The following ANKH variants were observed in gnomAD, a reference collection of about 807,000 sequenced individuals.
The protein encoded by ANKH is mineralization regulator ANKH.
A neutral mutation model predicts 49.0 loss-of-function variants in ANKH; 15 were observed. The ratio of observed to expected loss-of-function variants is 0.31; its 90% CI spans 0.20 to 0.47. The LOEUF (loss-of-function observed/expected upper bound fraction) is 0.47, where lower values mean the gene tolerates loss of function less well. Ranked by LOEUF, ANKH falls within the 20% of genes least tolerant of loss-of-function variation. The pLI is 1.00. For synonymous variants in ANKH, 273 were observed against 260.0 expected (o/e 1.05, Z -0.48); for missense variants, 429 against 652.0 (o/e 0.66, Z 3.72).
chr5:14,870,433 TAAAAG>T (rs896530700), intron 1 of ANKH: 5 of 151,990 alleles, frequency 3.3e-5, no homozygotes, highest in African/African-American at 9.7e-5. Flanking sequence ...TCTCTTGACT[TAAAAG>T]GAAAGAAGAA....
At chr5:14,766,600 AG>A (rs1224088529) in intron 2 of ANKH, among the ~76,000 whole-genome samples, 1 of 152,266 alleles carries the variant, frequency 6.6e-6, no homozygotes, top group Admixed American at 6.5e-5. Context: ...AAATTCATTA[AG>A]GTGATGGGAA....
chr5:14,787,309 A>G (rs1740010798), intron 1 of ANKH, among the ~76,000 whole-genome samples: 1 of 152,078 alleles, frequency 6.6e-6, no homozygotes, highest in African/African-American at 2.4e-5. Flanking sequence ...GCAAGACTCC[A>G]TCTCAAAAAA....
intron 3 of ANKH, among the ~76,000 whole-genome samples, chr5:14,757,854 C>T (rs138495683): frequency 9.2e-5 from 14 of 152,262 alleles, no homozygotes; most frequent in African/African-American, 2.4e-4. Flanking sequence ...ATAGCTGCTA[C>T]GAAGATCAGT....
In ANKH at chr5:14,705,033, T is replaced by C. The variant is rs1736896540; in HGVS notation, c.*6164A>G. On this transcript the variant is annotated 3_prime_UTR_variant, in exon 12 of 12. Transcript: ENST00000284268. ...AATCAAAAACTACACAAATATTTTATTTGTATTTTAGAGACGGGGTTTTGC... is the reference window on the plus strand; with the variant it reads ...AATCAAAAACTACACAAATATTTTACTTGTATTTTAGAGACGGGGTTTTGC... 1 of 152,224 alleles carries C rather than the reference T, an allele frequency of 6.6e-6. No homozygotes were observed. Among genetic ancestry groups the C allele is most frequent in the East Asian group, 1.9e-4 (1 of 5,194 alleles). The allele number at this position is 152,224 out of a possible 1,614,324, so 9.4% of individuals were successfully genotyped here. A position where few individuals can be genotyped will look rare whatever the true frequency, so the allele number is the denominator to read the frequency against.
chr5:14,728,120 A>G (rs1737877414), intron 8 of ANKH, among the ~76,000 whole-genome samples: 2 of 152,228 alleles, frequency 1.3e-5, no homozygotes, highest in African/African-American at 4.8e-5. Flanking sequence ...TTCCAGAGAG[A>G]AGTGCGGAGG....
intron 2 of ANKH, among the ~76,000 whole-genome samples, chr5:14,762,382 C>G (rs920490257): frequency 1.3e-5 from 2 of 152,216 alleles, no homozygotes; most frequent in African/African-American, 2.4e-5. Flanking sequence ...GTCCCCAACT[C>G]TTGCCTCCTT....
chr5:14,819,480 A>G (rs1440019916), intron 1 of ANKH, among the ~76,000 whole-genome samples: 1 of 152,132 alleles, frequency 6.6e-6, no homozygotes, highest in African/African-American at 2.4e-5. Flanking sequence ...TAATGTTACA[A>G]TGTAATTCTG....
At chr5:14,865,080 G>C (rs1004854539) in intron 1 of ANKH, among the ~76,000 whole-genome samples, 19 of 152,130 alleles carry the variant, frequency 1.2e-4, no homozygotes, top group African/African-American at 4.3e-4. Context: ...GACCAACATG[G>C]AGAAACCCTG....
chr5:14,723,060 G>A (rs1252946526), intron 8 of ANKH, among the ~76,000 whole-genome samples: 1 of 152,088 alleles, frequency 6.6e-6, no homozygotes, highest in Non-Finnish European at 1.5e-5. Flanking sequence ...AACCGTTGAG[G>A]CCTTAAAAAC....
intron 1 of ANKH, chr5:14,797,840 T>C (rs1740437869): frequency 1.2e-6 from 2 of 1,611,634 alleles, no homozygotes; most frequent in African/African-American, 1.3e-5. Flanking sequence ...CACTGAGATT[T>C]AGGTTCCAAG....
chr5:14,791,362 T>C (rs1561056918), intron 1 of ANKH, among the ~76,000 whole-genome samples: 1 of 152,188 alleles, frequency 6.6e-6, no homozygotes, highest in African/African-American at 2.4e-5. Context: ...AATGAAGAAC[T>C]GTGGTAGTTG....
At chr5:14,815,988 T>C (rs1000293925) in intron 1 of ANKH, among the ~76,000 whole-genome samples, 1 of 152,190 alleles carries the variant, frequency 6.6e-6, no homozygotes, top group African/African-American at 2.4e-5. Flanking sequence ...CTCATCCTTG[T>C]TTACTAGATT....
intron 4 of ANKH, 70 bp downstream of exon 4, chr5:14,755,791 A>G (rs930723824): frequency 6.3e-6 from 9 of 1,427,788 alleles, no homozygotes; most frequent in Non-Finnish European, 8.9e-6. Context: ...ATGAATATAA[A>G]TCACACATCA....
At chr5:14,730,755 C>T (rs1268624302) in intron 8 of ANKH, among the ~76,000 whole-genome samples, 1 of 152,216 alleles carries the variant, frequency 6.6e-6, no homozygotes, top group East Asian at 1.9e-4. Context: ...GGACCCCAAA[C>T]CTCTGACTTC....
chr5:14,816,513 T>C (rs27353), intron 1 of ANKH, among the ~76,000 whole-genome samples: 71,042 of 151,842 alleles, frequency 0.47, 16,893 homozygotes, highest in East Asian at 0.75. Context: ...TCATTCGAAC[T>C]TGTCAAACTC....
intron 1 of ANKH, among the ~76,000 whole-genome samples, chr5:14,861,481 G>A (rs1465676215): frequency 6.6e-6 from 1 of 152,164 alleles, no homozygotes; most frequent in Admixed American, 6.5e-5. Context: ...ACTCTGCTCT[G>A]TTTTTGGATT....
chr5:14,851,910 T>G (rs909731272), intron 1 of ANKH, among the ~76,000 whole-genome samples: 5 of 152,226 alleles, frequency 3.3e-5, no homozygotes, highest in Admixed American at 2.0e-4. Context: ...AAGGTACAGG[T>G]AGGCCTAAAT....
intron 6 of ANKH, among the ~76,000 whole-genome samples, chr5:14,747,897 T>A (rs1396893034): frequency 6.6e-6 from 1 of 152,124 alleles, no homozygotes; most frequent in East Asian, 1.9e-4. Flanking sequence ...CGGCTCCCCT[T>A]CTTGCTGCTC....
At position 14,769,058 on chromosome 5, in the gene ANKH, A is replaced by G. The variant is rs201829107; in HGVS notation, c.230T>C (p.Val77Ala). 6.2e-7 allele frequency: 1 copy of G among 1,614,200 alleles called. No homozygotes were observed. The highest frequency in any genetic ancestry group is 8.5e-7 in the Non-Finnish European group (1 of 1,180,034). ...SDFKNVGLVF[V>A]NSKRDRTKAV... The stretch of plus-strand genomic sequence containing the variant: ...TTTGGTCCTGTCTCTCTTGCTGTTC[A>G]CAAACACCAGGCCCACATTTTTGAA... Residue 77 changes from valine to alanine, a missense_variant, in exon 2 of 12, where the codon GTG becomes GCG. Physicochemically the swap from Val to Ala is moderately conservative, Grantham distance 64. Around this residue, in one of 2 missense-constraint regions of ANKH, gnomAD observed 378 missense variants for 615.3 expected, o/e 0.61. Coordinates refer to ENST00000284268, the MANE Select transcript of ANKH (RefSeq NM_054027.6).
Sources: gnomAD v4.1 joint callset for allele counts (sites outside exome capture counted in the v4.1 genomes callset) on GRCh38, gnomAD v4.1.1 for gene constraint, gnomAD v4.1.1 regional missense constraint, MANE v1.5 for transcripts, NCBI Gene and HGNC (gene_info 2026-07-23, HGNC 2026-07-21) for gene names.